The following METTL25 variants were observed in gnomAD, a reference collection of about 807,000 sequenced individuals.
METTL25 encodes methyltransferase like 25, also known as probable methyltransferase-like protein 25.
Under a neutral mutation model 71.6 loss-of-function variants are expected in METTL25, and 64 were observed. The ratio of observed to expected loss-of-function variants is 0.89; its 90% CI spans 0.73 to 1.10. The LOEUF is 1.10. Among genes scored for constraint, METTL25 ranks in the 50% least tolerant of loss-of-function variants. The probability of loss-of-function intolerance (pLI) is 0.00; values close to 1 mark genes in which losing one functional copy is unlikely to be tolerated. For synonymous variants in METTL25, 287 were observed against 250.3 expected (o/e 1.15, Z -1.38); for missense variants, 807 against 707.0 (o/e 1.14, Z -1.60).
intron 1 of METTL25, among the ~76,000 whole-genome samples, chr12:82,360,706 A>C (rs10506871): frequency 0.02 from 3,058 of 152,238 alleles, 92 homozygotes; most frequent in African/African-American, 0.069. Flanking sequence ...AGCTGTAAGG[A>C]GACTGAAATA....
At chr12:82,382,363 G>C (rs1039913356) in intron 1 of METTL25, among the ~76,000 whole-genome samples, 1 of 152,046 alleles carries the variant, frequency 6.6e-6, no homozygotes, top group East Asian at 1.9e-4. Context: ...ACATAATTGC[G>C]TTTTACTTTA....
At chr12:82,425,723 A>G (rs113220428) in intron 5 of METTL25, among the ~76,000 whole-genome samples, 1 of 152,106 alleles carries the variant, frequency 6.6e-6, no homozygotes, top group African/African-American at 2.4e-5. Context: ...TGCATTACCA[A>G]GTTAGTAGCT....
intron 8 of METTL25, among the ~76,000 whole-genome samples, chr12:82,456,148 A>C (rs1891473224): frequency 6.6e-6 from 1 of 151,900 alleles, no homozygotes; most frequent in African/African-American, 2.4e-5. Context: ...TTTACATTAC[A>C]CCTAAATTGT....
intron 6 of METTL25, among the ~76,000 whole-genome samples, chr12:82,431,846 A>C (rs865825804): frequency 2.0e-5 from 3 of 151,670 alleles, no homozygotes; most frequent in African/African-American, 7.3e-5. Flanking sequence ...CTTAAACATT[A>C]ACCTACAGTT....
chr12:82,391,093 C>T (rs1225801070), intron 3 of METTL25, among the ~76,000 whole-genome samples: 1 of 152,062 alleles, frequency 6.6e-6, no homozygotes, highest in African/African-American at 2.4e-5. Context: ...TGGTAGTCAG[C>T]TAAGCTGGAT....
rs760098250 is a variant in METTL25, at chr12:82,386,866, T to A, written c.323T>A (p.Phe108Tyr). 1 of 1,613,538 alleles carries A rather than the reference T, an allele frequency of 6.2e-7. No homozygotes were observed. Among genetic ancestry groups the A allele is most frequent in the Non-Finnish European group, 8.5e-7 (1 of 1,179,648 alleles). Residue 108 changes from phenylalanine to tyrosine, a missense_variant, in exon 2 of 12, where the codon TTT becomes TAT. Transcript: ENST00000248306. ...TSQKLVSVEAFALAAKYYSVQ... is the reference protein window; with the variant it reads ...TSQKLVSVEAYALAAKYYSVQ... Reference sequence around the variant, plus strand: ...CAGAAGTTGGTGAGTGTGGAAGCCTTTGCTCTGGCTGCGAAATACTATTCT... The same window carrying A: ...CAGAAGTTGGTGAGTGTGGAAGCCTATGCTCTGGCTGCGAAATACTATTCT...
chr12:82,379,286 T>C (rs1036952299), intron 1 of METTL25, among the ~76,000 whole-genome samples: 1 of 152,230 alleles, frequency 6.6e-6, no homozygotes, highest in Non-Finnish European at 1.5e-5. Context: ...AGAACAGAGG[T>C]TGATATCAAT....
Position 82,362,337 on chromosome 12 carries a change from CTGTGCT to C in METTL25, c.259+3514_259+3519del, listed in dbSNP as rs758606089. 4.9e-4 allele frequency among the ~76,000 whole-genome samples: 74 copies of C among 152,358 alleles called. 1 individual carries two copies. The highest frequency in any genetic ancestry group is 5.2e-4 in the Admixed American group (8 of 15,310). On this transcript the variant is annotated intron_variant, in intron 1 of 11. Transcript: ENST00000248306. ...AAATATTGACTCCAGCACTTAGTAG[CTGTGCT>C]AACTTGGGCAATTTACTTCAACTCG... is the stretch of plus-strand genomic sequence containing the variant.
intron 1 of METTL25, among the ~76,000 whole-genome samples, chr12:82,379,913 C>G (rs924814328): frequency 6.6e-6 from 1 of 152,124 alleles, no homozygotes; most frequent in Non-Finnish European, 1.5e-5. Context: ...CTCCTTTCTC[C>G]CAGCAGGTCC....
chr12:82,398,803 C>T lies in METTL25; in HGVS notation c.540C>T (p.Asp180=). 6.6e-7 allele frequency: 1 copy of T among 1,525,264 alleles called. No homozygotes were observed. The highest frequency in any genetic ancestry group is 8.7e-7 in the Non-Finnish European group (1 of 1,144,768). 94.5% of individuals were successfully genotyped at this position (1,525,264 alleles called of 1,614,324 possible). Reference sequence around the variant, plus strand: ...TTTTTTTCTAATCTTAGGTGATTGACTTGGGTTCCGGTAAAGGCTACCTAA... The same window carrying T: ...TTTTTTTCTAATCTTAGGTGATTGATTTGGGTTCCGGTAAAGGCTACCTAA... The part of the protein sequence containing the change: ...ADYYGIKQVI[D]LGSGKGYLSS... Residue 180 remains aspartate, a synonymous_variant, in exon 4 of 12, where the codon GAC becomes GAT. Coordinates refer to ENST00000248306, the MANE Select transcript of METTL25 (RefSeq NM_032230.3).
chr12:82,433,032 G>A (rs986276668), intron 6 of METTL25, among the ~76,000 whole-genome samples: 21 of 151,560 alleles, frequency 1.4e-4, no homozygotes, highest in African/African-American at 5.1e-4. Context: ...AGCATGAAAT[G>A]AATGCTTGGT....
chr12:82,405,048 C>T (rs1166933356), intron 5 of METTL25, among the ~76,000 whole-genome samples: 1 of 152,166 alleles, frequency 6.6e-6, no homozygotes, highest in Non-Finnish European at 1.5e-5. Flanking sequence ...TCATTGCCCC[C>T]AAGGATGCCT....
intron 8 of METTL25, among the ~76,000 whole-genome samples, chr12:82,448,966 T>C (rs914640518): frequency 6.6e-6 from 1 of 152,196 alleles, no homozygotes; most frequent in Admixed American, 6.5e-5. Context: ...CTTTCATTTA[T>C]TTAGTATACC....
At position 82,386,997 on chromosome 12, in the gene METTL25, C is replaced by A. The variant is rs753683919; in HGVS notation, c.424+30C>A. 3 of 1,562,434 alleles carry A rather than the reference C, an allele frequency of 1.9e-6. No homozygotes were observed. The African/African-American group carries it at 4.1e-5, about 21-fold the overall frequency. The stretch of plus-strand genomic sequence containing the variant: ...GTCTATTTATGTGTGTGTATGTGTG[C>A]TTTTTAGGTACTTAGAAGCAATACT... On this transcript the variant is annotated intron_variant, in intron 2 of 11. Transcript: ENST00000248306.
At chr12:82,397,575 T>G (rs1401507803) in intron 3 of METTL25, among the ~76,000 whole-genome samples, 2 of 152,076 alleles carry the variant, frequency 1.3e-5, no homozygotes, top group Non-Finnish European at 2.9e-5. Flanking sequence ...TTTTTTCTAT[T>G]ATGTTTACAT....
chr12:82,393,813 GT>G (rs373922113), intron 3 of METTL25, among the ~76,000 whole-genome samples: 183 of 151,306 alleles, frequency 1.2e-3, no homozygotes, highest in African/African-American at 4.4e-3. Flanking sequence ...CTTTTCTAGT[GT>G]TTTTTTAAAG....
intron 6 of METTL25, among the ~76,000 whole-genome samples, chr12:82,432,774 G>A (rs1017338078): frequency 6.7e-6 from 1 of 148,868 alleles, no homozygotes; most frequent in Non-Finnish European, 1.5e-5. Flanking sequence ...AAAATCTAAG[G>A]AACAATTCTT....
chr12:82,386,925 C>T lies in METTL25; in HGVS notation c.382C>T (p.Gln128Ter). Residue 128 changes from glutamine (Q) to a stop codon, truncating the protein, a stop_gained, in exon 2 of 12, where the codon CAG (glutamine) becomes TAG (stop). Coordinates refer to ENST00000248306, the MANE Select transcript of METTL25 (RefSeq NM_032230.3). LOFTEE classifies it high-confidence loss of function. ...QNLGICTPFE[Q>*]LLVALRGNQN... ...CTTGGGAATATGTACTCCTTTTGAA[C>T]AGTTGCTTGTAGCCCTTCGAGGAAA... The T allele has an allele frequency of 6.2e-7, 1 of 1,613,342 alleles. No individual in the cohort carries two copies. Among genetic ancestry groups the T allele is most frequent in the South Asian group, 1.1e-5 (1 of 91,044 alleles).
intron 5 of METTL25, among the ~76,000 whole-genome samples, chr12:82,421,800 A>C (rs1888528562): frequency 6.6e-6 from 1 of 152,236 alleles, no homozygotes; most frequent in Non-Finnish European, 1.5e-5. Context: ...AATCTAGAAG[A>C]AATGGATAAA....
Sources: gnomAD v4.1 joint callset for allele counts (sites outside exome capture counted in the v4.1 genomes callset) on GRCh38, gnomAD v4.1.1 for gene constraint, MANE v1.5 for transcripts, NCBI Gene and HGNC (gene_info 2026-07-23, HGNC 2026-07-21) for gene names.